Variants in EHBP1 observed in about 807,000 individuals in gnomAD.
The protein encoded by EHBP1 is EH domain-binding protein 1.
EHBP1 carries 55 observed loss-of-function variants against 144.0 expected under a neutral mutation model. The ratio of observed to expected loss-of-function variants is 0.38; its 90% CI spans 0.31 to 0.48. The LOEUF is 0.48. EHBP1 is among the 20% of genes least tolerant of loss of function. The pLI, the probability that EHBP1 is intolerant of heterozygous loss-of-function variation, is 0.98. For missense variants in EHBP1, 1,200 were observed against 1,364.2 expected (o/e 0.88, Z 1.90); for synonymous variants, 469 against 472.7 (o/e 0.99, Z 0.10).
At chr2:62,945,642 T>G (rs977659171) in intron 12 of EHBP1, among the ~76,000 whole-genome samples, 1 of 151,964 alleles carries the variant, frequency 6.6e-6, no homozygotes, top group Admixed American at 6.6e-5. Context: ...CCCAGCTACT[T>G]GGGAGGATGA....
In EHBP1 at chr2:62,832,014, C is replaced by T. The variant is rs191655382; in HGVS notation, c.634+856C>T. Among the ~76,000 whole-genome samples the T allele has an allele frequency of 1.8e-3, 271 of 152,334 alleles. 2 individuals carry two copies. Among genetic ancestry groups the T allele is most frequent in the African/African-American group, 6.2e-3 (257 of 41,586 alleles). ...ACTTCCTTGACTCTGAAGACCTTCA[C>T]TTCCATTCCACAACAAGAAATCTAT... On this transcript the variant is annotated intron_variant, in intron 7 of 22. Transcript: ENST00000431489.
intron 6 of EHBP1, chr2:62,826,479 C>T (rs1451669611): frequency 9.8e-6 from 4 of 406,584 alleles, no homozygotes; most frequent in Non-Finnish European, 1.7e-5. Context: ...AACGTGAGCA[C>T]AGCTGGTTTC....
intron 10 of EHBP1, among the ~76,000 whole-genome samples, chr2:62,935,952 T>C (rs1285842827): frequency 2.0e-5 from 3 of 152,228 alleles, no homozygotes; most frequent in Non-Finnish European, 2.9e-5. Context: ...TCAATAGATA[T>C]GCTAACATTA....
At chr2:62,925,757 A>C (rs1488511748) in intron 10 of EHBP1, among the ~76,000 whole-genome samples, 3 of 152,188 alleles carry the variant, frequency 2.0e-5, no homozygotes, top group Non-Finnish European at 4.4e-5. Flanking sequence ...GAAATTGAAG[A>C]GGATACACAA....
At position 62,794,657 on chromosome 2, in the gene EHBP1, A is replaced by G. The variant is rs554252446; in HGVS notation, c.312+23265A>G. The stretch of plus-strand genomic sequence containing the variant: ...AAAAGTCTCTATATTTAAAAATTAG[A>G]TAAAATAATCATGTTTGCTTATACC... On this transcript the variant is annotated intron_variant, in intron 5 of 22. Transcript: ENST00000431489. Among the ~76,000 whole-genome samples, 117 of 152,154 alleles carry G rather than the reference A, an allele frequency of 7.7e-4. 1 individual carries two copies. The highest frequency in any genetic ancestry group is 2.6e-3 in the African/African-American group (110 of 41,576).
intron 2 of EHBP1, among the ~76,000 whole-genome samples, chr2:62,716,123 C>T (rs976839788): frequency 6.6e-6 from 1 of 152,066 alleles, no homozygotes; most frequent in African/African-American, 2.4e-5. Flanking sequence ...AATGTCCCAC[C>T]CATTTCTTGC....
Position 62,990,705 on chromosome 2 carries a change from A to T in EHBP1, c.2609-11A>T, listed in dbSNP as rs367915494. On this transcript the variant is annotated splice_polypyrimidine_tract_variant and intron_variant, in intron 15 of 22. Transcript: ENST00000431489. ...TCACTCAGTTATTCATGGTATTTGC[A>T]TATTTAACAGAACAAAACAGTAAGT... The T allele has an allele frequency of 1.9e-5, 30 of 1,613,114 alleles. No individual in the cohort carries two copies. In the African/African-American group the frequency reaches 3.2e-4, roughly 17 times the overall value.
chr2:62,884,350 A>G (rs1473179664), intron 10 of EHBP1, among the ~76,000 whole-genome samples: 1 of 152,136 alleles, frequency 6.6e-6, no homozygotes, highest in Non-Finnish European at 1.5e-5. Context: ...CCTTCTGTAT[A>G]TGATATGTAC....
chr2:62,821,271 G>A (rs191155518), intron 5 of EHBP1, among the ~76,000 whole-genome samples: 743 of 152,180 alleles, frequency 4.9e-3, no homozygotes, highest in African/African-American at 0.014. Context: ...AATAGGAGAG[G>A]CATTACATTA....
intron 2 of EHBP1, among the ~76,000 whole-genome samples, chr2:62,726,296 G>A (rs2036783806): frequency 6.6e-6 from 1 of 152,224 alleles, no homozygotes; most frequent in South Asian, 2.1e-4. Context: ...CCAGAGGTCA[G>A]TGGTGAGAGT....
At chr2:62,848,528 G>GCTCAGGCATA (rs1393024849) in intron 7 of EHBP1, among the ~76,000 whole-genome samples, 1 of 152,148 alleles carries the variant, frequency 6.6e-6, no homozygotes, top group Non-Finnish European at 1.5e-5. Flanking sequence ...ACTGGAAATA[G>GCTCAGGCATA]CTCAGGCATA....
At chr2:62,696,512 T>C (rs79283931) in intron 1 of EHBP1, among the ~76,000 whole-genome samples, 21 of 103,552 alleles carry the variant, frequency 2.0e-4, no homozygotes, top group South Asian at 1.1e-3. Flanking sequence ...TTTCTTCTTT[T>C]TTTTTTTTTT....
chr2:63,000,265 C>G (rs374124883), intron 19 of EHBP1, among the ~76,000 whole-genome samples: 6 of 152,218 alleles, frequency 3.9e-5, no homozygotes, highest in African/African-American at 1.4e-4. Context: ...AGGGCACCAA[C>G]GACACAGATA....
At chr2:62,761,334 T>C (rs901629498) in intron 3 of EHBP1, among the ~76,000 whole-genome samples, 4 of 152,184 alleles carry the variant, frequency 2.6e-5, no homozygotes, top group African/African-American at 9.6e-5. Context: ...TGAGCCTCTG[T>C]TTCCATCTCT....
chr2:62,969,762 T>TTTTC (rs565399728), intron 14 of EHBP1, among the ~76,000 whole-genome samples: 114 of 152,072 alleles, frequency 7.5e-4, no homozygotes, highest in Non-Finnish European at 1.5e-3. Flanking sequence ...AGGCTGATTT[T>TTTTC]TTTCTTTCTT....
intron 5 of EHBP1, among the ~76,000 whole-genome samples, chr2:62,780,438 G>A (rs763181829): frequency 1.3e-4 from 20 of 151,938 alleles, no homozygotes; most frequent in Admixed American, 7.9e-4. Flanking sequence ...TCTTACTTTG[G>A]TTGCATTTCA....
intron 1 of EHBP1, among the ~76,000 whole-genome samples, chr2:62,675,812 G>A (rs2151718436): frequency 6.6e-6 from 1 of 152,288 alleles, no homozygotes; most frequent in Non-Finnish European, 1.5e-5. Flanking sequence ...GAGTGCTGTG[G>A]TGCAATCTTG....
chr2:62,797,934 TA>T (rs748147232), intron 5 of EHBP1, among the ~76,000 whole-genome samples: 3 of 152,098 alleles, frequency 2.0e-5, no homozygotes, highest in Non-Finnish European at 4.4e-5. Context: ...AAACAAATGA[TA>T]AAAATGGCCA....
At chr2:62,753,259 G>A (rs527290242) in intron 3 of EHBP1, among the ~76,000 whole-genome samples, 3 of 152,220 alleles carry the variant, frequency 2.0e-5, no homozygotes, top group African/African-American at 7.2e-5. Flanking sequence ...CTTCACTTAT[G>A]AAGCTTAGTT....
Sources: gnomAD v4.1 joint callset for allele counts (sites outside exome capture counted in the v4.1 genomes callset) on GRCh38, gnomAD v4.1.1 for gene constraint, MANE v1.5 for transcripts, NCBI Gene and HGNC (gene_info 2026-07-23, HGNC 2026-07-21) for gene names.